Variants in KAZN observed in about 807,000 individuals in gnomAD.
The protein encoded by KAZN is kazrin, periplakin interacting protein.
A neutral mutation model predicts 87.4 loss-of-function variants in KAZN; 40 were observed. The ratio of observed to expected loss-of-function variants is 0.46; its 90% CI spans 0.36 to 0.60. KAZN has a LOEUF of 0.60. Among genes scored for constraint, KAZN ranks in the 20% least tolerant of loss-of-function variants. The probability of loss-of-function intolerance (pLI) is 0.00; values close to 1 mark genes in which losing one functional copy is unlikely to be tolerated. For synonymous variants in KAZN, 466 were observed against 458.3 expected, an observed-to-expected ratio of 1.02 and a Z score of -0.22; for missense variants, 898 against 1,073.9, an observed-to-expected ratio of 0.84 and a Z score of 2.29.
At position 15,056,154 on chromosome 1, in the gene KAZN, G is replaced by A. The variant is rs1257675758; in HGVS notation, c.790G>A (p.Gly264Ser). ...CAAGCGGCATTCCCTCGCCATGCCG[G>A]GCGAGACGGTGCTCAATGGCAACCA... is the stretch of plus-strand genomic sequence containing the variant. ...VPKRHSLAMP[G>S]ETVLNGNQEW... is the part of the protein sequence containing the mutation. The change falls in exon 5 of 15, where the codon GGC becomes AGC. Residue 264 changes from glycine (G) to serine (S), a missense_variant. Around this residue, in one of 3 missense-constraint regions of KAZN, gnomAD observed 521 missense variants for 689.4 expected, o/e 0.76. Transcript: ENST00000376030. This position sits in a 1 kb window ranked among gnomAD's most constrained non-coding sequence, Gnocchi z 5.4. 1 of 1,614,076 alleles carries A rather than the reference G, an allele frequency of 6.2e-7. No homozygotes were observed. Among genetic ancestry groups the A allele is most frequent in the African/African-American group, 1.3e-5 (1 of 74,948 alleles).
At chr1:14,805,411 A>G (rs1431194598) in intron 1 of KAZN, among the ~76,000 whole-genome samples, 1 of 152,130 alleles carries the variant, frequency 6.6e-6, no homozygotes, top group Non-Finnish European at 1.5e-5. Context: ...GTCGTTTTCC[A>G]TTGGCCAGAA....
Position 14,517,637 on chromosome 1 carries a change from C to A in KAZN, c.250-81346C>A, listed in dbSNP as rs150371926. Among the ~76,000 whole-genome samples, 6 of 152,280 alleles carry A rather than the reference C, an allele frequency of 3.9e-5. No homozygotes were observed. In the East Asian group the frequency reaches 7.7e-4, roughly 20 times the overall value. On this transcript the variant is annotated intron_variant, in intron 2 of 16. Coordinates refer to the KAZN transcript ENST00000636203. Reference sequence around the variant, plus strand: ...AGTCGGGCTACAATCATGAGAAACACCTTAGAGCAAAAGCTGGAAATATTT... The same window carrying A: ...AGTCGGGCTACAATCATGAGAAACAACTTAGAGCAAAAGCTGGAAATATTT...
At chr1:13,933,941 A>C (rs1640624723) in intron 1 of KAZN, among the ~76,000 whole-genome samples, 1 of 152,258 alleles carries the variant, frequency 6.6e-6, no homozygotes, top group South Asian at 2.1e-4. Flanking sequence ...GAATTCTTAA[A>C]GAAGACCGTC....
chr1:14,382,027 C>T (rs761913478), intron 2 of KAZN, among the ~76,000 whole-genome samples: 2 of 152,082 alleles, frequency 1.3e-5, no homozygotes, highest in East Asian at 3.8e-4. Flanking sequence ...ACTTATATAT[C>T]CCAACTGTGA....
At chr1:14,424,298 A>T (rs1571613234) in intron 2 of KAZN, among the ~76,000 whole-genome samples, 1 of 152,208 alleles carries the variant, frequency 6.6e-6, no homozygotes. Context: ...GCTTCATTTA[A>T]TCCTCTCCAT....
chr1:14,885,268 C>A (rs1653906758), intron 1 of KAZN, among the ~76,000 whole-genome samples: 2 of 152,098 alleles, frequency 1.3e-5, no homozygotes, highest in East Asian at 1.9e-4. Flanking sequence ...CCCAGCTCCC[C>A]CTAGCCACTC....
At chr1:15,103,316 G>A (rs191973487) in intron 11 of KAZN, 43 bp from the exon 12 acceptor site, 7 of 1,462,680 alleles carry the variant, frequency 4.8e-6, no homozygotes, top group Non-Finnish European at 5.6e-6. Context: ...TGGCCTCTGC[G>A]TGTCCCCTTG....
chr1:15,010,536 G>A (rs896081456), intron 2 of KAZN, among the ~76,000 whole-genome samples: 12 of 151,922 alleles, frequency 7.9e-5, no homozygotes, highest in East Asian at 1.9e-4. Context: ...GACTACAGGC[G>A]CCCGCCACCA....
In KAZN at chr1:15,060,415, A is replaced by C. The variant is rs1453041482; in HGVS notation, c.1047+113A>C. The stretch of plus-strand genomic sequence containing the variant: ...GTTTCCTCTCGTCCACCCAGGGAGC[A>C]CTCTGGCGAATGCATTTCCTGTTCT... On this transcript the variant is annotated intron_variant, in intron 6 of 14. Coordinates refer to ENST00000376030, the MANE Select transcript of KAZN (RefSeq NM_201628.3). 29 of 1,362,802 alleles carry C rather than the reference A, an allele frequency of 2.1e-5. No individual in the cohort carries two copies. In the Middle Eastern group the frequency reaches 6.3e-4, roughly 29 times the overall value. The allele number at this position is 1,362,802 out of a possible 1,614,324, so 84.4% of individuals were successfully genotyped here.
Position 14,960,885 on chromosome 1 carries a change from G to C in KAZN, c.418+10G>C. 6.3e-7 allele frequency: 1 copy of C among 1,595,716 alleles called. No homozygotes were observed. The highest frequency in any genetic ancestry group is 8.6e-7 in the Non-Finnish European group (1 of 1,168,922). On this transcript the variant is annotated intron_variant, in intron 2 of 14. Coordinates refer to ENST00000376030, the MANE Select transcript of KAZN (RefSeq NM_201628.3). Reference sequence around the variant, plus strand: ...AAAGAAGCCTTGCAGGGTGAGTGACGAGTCAGCAGCAGTTCCTTCGCTGGG... The same window carrying C: ...AAAGAAGCCTTGCAGGGTGAGTGACCAGTCAGCAGCAGTTCCTTCGCTGGG...
intron 1 of KAZN, among the ~76,000 whole-genome samples, chr1:14,075,710 C>T (rs1470143175): frequency 6.6e-6 from 1 of 152,078 alleles, no homozygotes; most frequent in Middle Eastern, 3.2e-3. Flanking sequence ...AGCCACCTAC[C>T]CAAGACAGTC....
At chr1:14,275,383 T>C (rs1292964837) in intron 2 of KAZN, among the ~76,000 whole-genome samples, 1 of 151,058 alleles carries the variant, frequency 6.6e-6, no homozygotes, top group Non-Finnish European at 1.5e-5. Flanking sequence ...GGAATCTGGG[T>C]TATAAAAAGC....
chr1:14,334,364 CAAAAAAAAAA>C (rs34525897), intron 2 of KAZN, among the ~76,000 whole-genome samples: 2 of 61,384 alleles, frequency 3.3e-5, no homozygotes, highest in African/African-American at 7.5e-5. Context: ...GATTCCATCT[CAAAAAAAAAA>C]AAAAAAAAAA....
At chr1:14,710,870 T>C (rs908849192) in intron 1 of KAZN, among the ~76,000 whole-genome samples, 4 of 152,134 alleles carry the variant, frequency 2.6e-5, no homozygotes, top group Non-Finnish European at 5.9e-5. Flanking sequence ...GCCTGGCATA[T>C]AGTAGAACCT....
intron 2 of KAZN, among the ~76,000 whole-genome samples, chr1:14,496,309 A>G (rs1160646534): frequency 6.6e-6 from 1 of 152,204 alleles, no homozygotes; most frequent in Non-Finnish European, 1.5e-5. Context: ...GAAACAAGGA[A>G]TGTTTGAAAT....
intron 1 of KAZN, among the ~76,000 whole-genome samples, chr1:13,918,920 C>A (rs1433561463): frequency 6.6e-6 from 1 of 152,112 alleles, no homozygotes; most frequent in Non-Finnish European, 1.5e-5. Flanking sequence ...TAGCTTTGGC[C>A]TCTTATGGTG....
intron 1 of KAZN, among the ~76,000 whole-genome samples, chr1:14,150,317 G>A (rs912114256): frequency 2.0e-5 from 3 of 152,172 alleles, no homozygotes; most frequent in Admixed American, 6.5e-5. Context: ...ACTTTATACA[G>A]CCTGAAATCT....
At chr1:13,951,503 T>G (rs542361151) in intron 1 of KAZN, among the ~76,000 whole-genome samples, 1 of 152,066 alleles carries the variant, frequency 6.6e-6, no homozygotes, top group Non-Finnish European at 1.5e-5. Flanking sequence ...CCCTTTATTC[T>G]CAAAAGGGTT....
chr1:14,108,808 G>A (rs913011769), intron 1 of KAZN, among the ~76,000 whole-genome samples: 15 of 152,150 alleles, frequency 9.9e-5, no homozygotes, highest in Non-Finnish European at 1.3e-4. Flanking sequence ...CTGGCAAGCC[G>A]ATTTCCTGTT....
Sources: gnomAD v4.1 joint callset for allele counts (sites outside exome capture counted in the v4.1 genomes callset) on GRCh38, gnomAD v4.1.1 for gene constraint, gnomAD v4.1.1 regional missense constraint, Gnocchi (gnomAD v3.1) non-coding constraint, MANE v1.5 for transcripts, NCBI Gene and HGNC (gene_info 2026-07-23, HGNC 2026-07-21) for gene names.